Variants in ERC2 observed in about 807,000 individuals in gnomAD.
The protein encoded by ERC2 is ELKS/RAB6-interacting/CAST family member 2.
ERC2 carries 42 observed loss-of-function variants against 114.8 expected under a neutral mutation model. The observed-to-expected ratio is 0.37, with a 90% CI of 0.29 to 0.47. ERC2 has a LOEUF of 0.47. Among genes scored for constraint, ERC2 ranks in the 20% least tolerant of loss-of-function variants. ERC2 has a pLI of 0.99. For missense variants in ERC2, 939 were observed against 1,150.7 expected, an observed-to-expected ratio of 0.82 and a Z score of 2.66; for synonymous variants, 454 against 425.5, an observed-to-expected ratio of 1.07 and a Z score of -0.82.
At chr3:55,758,510 C>A (rs573903214) in intron 14 of ERC2, among the ~76,000 whole-genome samples, 1 of 152,202 alleles carries the variant, frequency 6.6e-6, no homozygotes, top group African/African-American at 2.4e-5. Flanking sequence ...TTGCTGCCAT[C>A]CTGCAGAGCC....
chr3:55,761,415 T>G (rs945106368), intron 14 of ERC2, among the ~76,000 whole-genome samples: 4 of 152,204 alleles, frequency 2.6e-5, no homozygotes, highest in Middle Eastern at 3.2e-3. Flanking sequence ...ATCTGGTTTT[T>G]TTTTTTCTTA....
At chr3:55,571,124 C>CAAAAAAAAAAAAAAAA (rs60594862) in intron 17 of ERC2, among the ~76,000 whole-genome samples, 1 of 67,446 alleles carries the variant, frequency 1.5e-5, no homozygotes, top group Non-Finnish European at 3.2e-5. Flanking sequence ...GAGACTCCGT[C>CAAAAAAAAAAAAAAAA]AAAAAAAAAA....
At chr3:56,443,966 T>TTTTTTC (rs1315541258) in intron 1 of ERC2, among the ~76,000 whole-genome samples, 1 of 135,006 alleles carries the variant, frequency 7.4e-6, no homozygotes, top group African/African-American at 2.9e-5. Context: ...CAATTTTTTT[T>TTTTTTC]TTTTTTTTTT....
At chr3:56,413,187 C>T (rs2061009932) in intron 2 of ERC2, among the ~76,000 whole-genome samples, 2 of 152,228 alleles carry the variant, frequency 1.3e-5, no homozygotes, top group Admixed American at 6.5e-5. Flanking sequence ...CCGAACAAGG[C>T]AAGCCAGCCC....
intron 2 of ERC2, among the ~76,000 whole-genome samples, chr3:56,421,003 C>G (rs2061369494): frequency 6.6e-6 from 1 of 152,022 alleles, no homozygotes. Context: ...ATAAAAGCGC[C>G]ATGTGGGTCC....
chr3:55,680,781 T>C (rs1052069032), intron 17 of ERC2, among the ~76,000 whole-genome samples: 1 of 152,120 alleles, frequency 6.6e-6, no homozygotes, highest in Admixed American at 6.5e-5. Context: ...AGGTAAATCT[T>C]AGGCATAAGA....
intron 17 of ERC2, among the ~76,000 whole-genome samples, chr3:55,647,551 A>G (rs1472784310): frequency 6.6e-6 from 1 of 152,218 alleles, no homozygotes; most frequent in Non-Finnish European, 1.5e-5. Flanking sequence ...CAGGGATACA[A>G]GTGTGCTCTG....
At chr3:56,012,810 G>T (rs1419004896) in intron 8 of ERC2, among the ~76,000 whole-genome samples, 1 of 152,210 alleles carries the variant, frequency 6.6e-6, no homozygotes, top group Non-Finnish European at 1.5e-5. Flanking sequence ...AAAAACATGT[G>T]TTAAAAGGCC....
chr3:55,654,465 AATTT>A (rs2060773726), intron 17 of ERC2, among the ~76,000 whole-genome samples: 2 of 152,246 alleles, frequency 1.3e-5, no homozygotes, highest in Non-Finnish European at 2.9e-5. Context: ...ATAGGCCAAC[AATTT>A]ATTTATTTAT....
intron 6 of ERC2, among the ~76,000 whole-genome samples, chr3:56,090,682 G>GA (rs2077738629): frequency 1.4e-5 from 2 of 141,708 alleles, no homozygotes; most frequent in Non-Finnish European, 3.1e-5. Context: ...TTTTTTTTTA[G>GA]ATCTGGGTTT....
At chr3:56,171,678 C>G (rs1397918826) in intron 4 of ERC2, among the ~76,000 whole-genome samples, 2 of 151,850 alleles carry the variant, frequency 1.3e-5, no homozygotes, top group East Asian at 3.8e-4. Context: ...TATAATAAAA[C>G]ATAATGCTAA....
chr3:56,161,938 G>C (rs2082071609), intron 4 of ERC2, among the ~76,000 whole-genome samples: 1 of 152,108 alleles, frequency 6.6e-6, no homozygotes, highest in Non-Finnish European at 1.5e-5. Flanking sequence ...CGAGTAATGA[G>C]AGTGAGCATC....
In ERC2 at chr3:56,108,436, A is replaced by C. The variant is rs1044879813; in HGVS notation, c.1474-27452T>G. On this transcript the variant is annotated intron_variant, in intron 6 of 17. Transcript: ENST00000288221. ...ATTATTTGCCTTAACATATAAAGAA[A>C]ATTTAAATAACCAATAATTTTTTAT... Among the ~76,000 whole-genome samples the C allele has an allele frequency of 2.0e-5, 3 of 152,166 alleles. No homozygotes were observed. The South Asian group carries it at 6.2e-4, about 31-fold the overall frequency.
At chr3:56,253,828 C>T (rs2052340905) in intron 3 of ERC2, among the ~76,000 whole-genome samples, 2 of 152,172 alleles carry the variant, frequency 1.3e-5, no homozygotes, top group Non-Finnish European at 2.9e-5. Context: ...AACTTGAGCC[C>T]AGGGGTGCGA....
intron 1 of ERC2, among the ~76,000 whole-genome samples, chr3:56,447,142 T>C (rs1016074831): frequency 6.6e-6 from 1 of 152,174 alleles, no homozygotes; most frequent in Admixed American, 6.5e-5. Context: ...GGGGCACCAA[T>C]AGCATCCGCT....
rs144417984 is a variant in ERC2 at position 55,596,772 on chromosome 3, C to A, written c.*40-85496G>T. On this transcript the variant is annotated intron_variant, in intron 17 of 17. Coordinates refer to ENST00000288221, the MANE Select transcript of ERC2 (RefSeq NM_015576.3). ...ATTATTAATGAAAGATAAGAACAAC[C>A]TACCAGGAGCTATAACATTAGATGA... Among the ~76,000 whole-genome samples, 40 of 152,150 alleles carry A rather than the reference C, an allele frequency of 2.6e-4. No homozygotes were observed. The East Asian group carries it at 6.6e-3, about 25-fold the overall frequency.
chr3:56,244,683 C>A (rs2051561551), intron 3 of ERC2, among the ~76,000 whole-genome samples: 1 of 152,072 alleles, frequency 6.6e-6, no homozygotes, highest in African/African-American at 2.4e-5. Context: ...ATTTGTATAG[C>A]TTTATAAAAT....
intron 3 of ERC2, among the ~76,000 whole-genome samples, chr3:56,195,173 C>T (rs566711045): frequency 3.3e-5 from 5 of 152,180 alleles, no homozygotes; most frequent in Middle Eastern, 3.4e-3. Context: ...ACAAGCACTA[C>T]GATACCATGA....
At chr3:56,199,670 G>C (rs1365213041) in intron 3 of ERC2, among the ~76,000 whole-genome samples, 2 of 152,014 alleles carry the variant, frequency 1.3e-5, no homozygotes, top group Non-Finnish European at 2.9e-5. Flanking sequence ...ACCACACCTG[G>C]CTAATTCTTT....
Sources: gnomAD v4.1 joint callset for allele counts (sites outside exome capture counted in the v4.1 genomes callset) on GRCh38, gnomAD v4.1.1 for gene constraint, MANE v1.5 for transcripts, NCBI Gene and HGNC (gene_info 2026-07-23, HGNC 2026-07-21) for gene names.